TRDN: variants seen among roughly 807,000 people sequenced by gnomAD.
TRDN encodes triadin.
In TRDN, 161 loss-of-function variants were observed where a neutral mutation model predicts 149.7. The observed-to-expected ratio is 1.08, with a 90% CI of 0.95 to 1.23. The LOEUF (loss-of-function observed/expected upper bound fraction) is 1.23. TRDN is among the 50% of genes most tolerant of loss of function. The pLI is 0.00. For missense variants in TRDN, 896 were observed against 823.5 expected, an observed-to-expected ratio of 1.09 and a Z score of -1.08; for synonymous variants, 294 against 250.5, an observed-to-expected ratio of 1.17 and a Z score of -1.64.
chr6:123,604,591 A>T (rs1784436593), intron 1 of TRDN, among the ~76,000 whole-genome samples: 1 of 152,174 alleles, frequency 6.6e-6, no homozygotes, highest in Non-Finnish European at 1.5e-5. Context: ...AAGCTAAATT[A>T]GAAGATTTTG....
intron 1 of TRDN, among the ~76,000 whole-genome samples, chr6:123,620,965 T>C (rs988587821): frequency 6.6e-6 from 1 of 152,122 alleles, no homozygotes; most frequent in Admixed American, 6.6e-5. Context: ...GACAGCAAGG[T>C]GCAGAACCTA....
chr6:123,587,714 G>A (rs1783572869), intron 1 of TRDN, among the ~76,000 whole-genome samples: 1 of 151,894 alleles, frequency 6.6e-6, no homozygotes, highest in Non-Finnish European at 1.5e-5. Context: ...AGTCAGTGAA[G>A]GGAGATAGGG....
At chr6:123,588,707 C>T (rs568375054) in intron 1 of TRDN, among the ~76,000 whole-genome samples, 103 of 152,118 alleles carry the variant, frequency 6.8e-4, no homozygotes, top group African/African-American at 2.3e-3. Context: ...CTTGAAGGCC[C>T]CTATCTATAA....
At chr6:123,317,319 C>G (rs1267937839) in intron 23 of TRDN, among the ~76,000 whole-genome samples, 1 of 151,814 alleles carries the variant, frequency 6.6e-6, no homozygotes, top group Admixed American at 6.6e-5. Flanking sequence ...TCCCTCCAAA[C>G]AGCAGAAAAA....
chr6:123,612,182 C>A (rs1784850016), intron 1 of TRDN, among the ~76,000 whole-genome samples: 1 of 134,724 alleles, frequency 7.4e-6, no homozygotes, highest in African/African-American at 2.8e-5. Flanking sequence ...CCTGAGAGGT[C>A]ACAGGAGTTC....
chr6:123,267,958 T>A (rs1777070834), intron 31 of TRDN, among the ~76,000 whole-genome samples: 2 of 152,128 alleles, frequency 1.3e-5, no homozygotes, highest in African/African-American at 4.8e-5. Flanking sequence ...AAAAGGCTTT[T>A]TTCTACATTT....
intron 2 of TRDN, among the ~76,000 whole-genome samples, chr6:123,562,176 C>A (rs940807386): frequency 6.6e-6 from 1 of 152,108 alleles, no homozygotes; most frequent in African/African-American, 2.4e-5. Context: ...AGAGAATAAC[C>A]CCCCTTTGAC....
rs148892162 is a variant in TRDN, at chr6:123,315,366, G to A, written c.1510+1091C>T. 6.7e-3 allele frequency among the ~76,000 whole-genome samples: 1,021 copies of A among 151,694 alleles called. 10 individuals are homozygous for A. Among genetic ancestry groups the A allele is most frequent in the African/African-American group, 0.023 (971 of 41,396 alleles). ...TTCAACTTTTCATTGATCTTCCAAA[G>A]AATGCATGTTTTAAAATTATATAAA... On this transcript the variant is annotated intron_variant, in intron 24 of 40. Coordinates refer to ENST00000334268, the MANE Select transcript of TRDN (RefSeq NM_006073.4).
At chr6:123,452,530 A>G (rs1276813042) in intron 10 of TRDN, among the ~76,000 whole-genome samples, 1 of 152,062 alleles carries the variant, frequency 6.6e-6, no homozygotes, top group African/African-American at 2.4e-5. Flanking sequence ...GATAGTTAGG[A>G]ATATGCCTAA....
At chr6:123,589,895 A>T (rs1241833204) in intron 1 of TRDN, among the ~76,000 whole-genome samples, 4 of 152,156 alleles carry the variant, frequency 2.6e-5, no homozygotes, top group Non-Finnish European at 5.9e-5. Flanking sequence ...TTTCTTTTTT[A>T]AATTTTACTT....
Position 123,539,594 on chromosome 6 carries a change from C to G in TRDN, c.424+7746G>C, listed in dbSNP as rs1310082923. Among the ~76,000 whole-genome samples the G allele has an allele frequency of 3.3e-5, 5 of 152,302 alleles. No homozygotes were observed. In the East Asian group the frequency reaches 9.6e-4, roughly 29 times the overall value. On this transcript the variant is annotated intron_variant, in intron 4 of 40. Transcript: ENST00000334268. ...CCAATACCTCCTTGTTGCATTCATT[C>G]AAGCTTATCTGTCATGTTTAAAATT...
At chr6:123,397,729 T>C (rs908760199) in intron 12 of TRDN, among the ~76,000 whole-genome samples, 2 of 152,164 alleles carry the variant, frequency 1.3e-5, no homozygotes, top group African/African-American at 2.4e-5. Flanking sequence ...GTAACCCACA[T>C]TGCAATTGGG....
intron 1 of TRDN, among the ~76,000 whole-genome samples, chr6:123,590,497 G>C (rs1338416796): frequency 6.6e-6 from 1 of 152,122 alleles, no homozygotes; most frequent in Non-Finnish European, 1.5e-5. Context: ...AGTCGCTGTG[G>C]CTCACACCTG....
intron 12 of TRDN, among the ~76,000 whole-genome samples, chr6:123,408,554 T>C (rs9388237): frequency 0.35 from 53,252 of 151,508 alleles, 10,206 homozygotes; most frequent in East Asian, 0.73. Flanking sequence ...GGCGGGCACC[T>C]GTAATCCCAG....
intron 10 of TRDN, among the ~76,000 whole-genome samples, chr6:123,457,264 C>T (rs1163549846): frequency 6.6e-6 from 1 of 152,172 alleles, no homozygotes; most frequent in African/African-American, 2.4e-5. Flanking sequence ...GGGAACATTC[C>T]TGGTCTTCAG....
intron 21 of TRDN, among the ~76,000 whole-genome samples, chr6:123,339,254 C>T (rs1164554215): frequency 6.6e-6 from 1 of 152,146 alleles, no homozygotes; most frequent in Non-Finnish European, 1.5e-5. Flanking sequence ...ATCTGCTGAA[C>T]TCGGTCTCCC....
chr6:123,384,266 A>G (rs1375202880), intron 14 of TRDN, among the ~76,000 whole-genome samples: 3 of 152,156 alleles, frequency 2.0e-5, no homozygotes, highest in African/African-American at 7.2e-5. Context: ...TTAAGGTATG[A>G]ACTTGATAGT....
intron 35 of TRDN, among the ~76,000 whole-genome samples, chr6:123,259,164 T>G (rs1355961449): frequency 6.6e-6 from 1 of 152,128 alleles, no homozygotes; most frequent in African/African-American, 2.4e-5. Context: ...TCTTAGTTAT[T>G]TCTTGTCTTC....
At chr6:123,625,913 A>T (rs1156555435) in intron 1 of TRDN, among the ~76,000 whole-genome samples, 11 of 152,158 alleles carry the variant, frequency 7.2e-5, no homozygotes. Context: ...ATTACTTAAA[A>T]TAAGACAAGA....
Sources: gnomAD v4.1 joint callset for allele counts (sites outside exome capture counted in the v4.1 genomes callset) on GRCh38, gnomAD v4.1.1 for gene constraint, MANE v1.5 for transcripts, NCBI Gene and HGNC (gene_info 2026-07-23, HGNC 2026-07-21) for gene names.